NISCH: variants seen among roughly 807,000 people sequenced by gnomAD.
The protein encoded by NISCH is I-1 receptor candidate protein.
NISCH carries 55 observed loss-of-function variants against 138.4 expected under a neutral mutation model. The ratio of observed to expected loss-of-function variants is 0.40; its 90% confidence interval spans 0.32 to 0.50. The LOEUF is 0.50. NISCH is among the 20% of genes least tolerant of loss of function. The pLI is 0.71. For missense variants in NISCH, 1,643 were observed against 2,005.5 expected, an observed-to-expected ratio of 0.82 and a Z score of 3.45; for synonymous variants, 860 against 861.5, an observed-to-expected ratio of 1.00 and a Z score of 0.03.
chr3:52,464,122 C>T (rs867592937), intron 3 of NISCH, among the ~76,000 whole-genome samples: 20 of 151,752 alleles, frequency 1.3e-4, no homozygotes, highest in South Asian at 2.1e-4. Context: ...TTGGGCCGGG[C>T]GCGGGTGGCT....
chr3:52,486,141 G>A (rs896266613), intron 15 of NISCH, among the ~76,000 whole-genome samples: 3 of 152,130 alleles, frequency 2.0e-5, no homozygotes, highest in East Asian at 3.9e-4. Flanking sequence ...ACTGAGTCTC[G>A]CTCTGTCGCC....
chr3:52,489,787 C>T, intron 17 of NISCH, 109 bp downstream of exon 17: 3 of 1,494,238 alleles, frequency 2.0e-6, no homozygotes, highest in South Asian at 1.3e-5. Context: ...ATGTCGGAGT[C>T]CTCAGCTGAG....
rs1379838321 is a variant in NISCH, at chr3:52,488,435, C to T, written c.2943C>T (p.Val981=). ...VLELLVGYRF[V]TAIFVLPHEK... ...AGCTGCTCGTGGGGTACCGCTTTGT[C>T]ACTGCCATCTTCGTGCTGCCCCACG... Residue 981 remains valine (V), a synonymous_variant, in exon 16 of 21, where the codon GTC becomes GTT. Coordinates refer to ENST00000345716, the MANE Select transcript of NISCH (RefSeq NM_007184.4). 21 of 1,613,668 alleles carry T rather than the reference C, an allele frequency of 1.3e-5. No individual in the cohort carries two copies. The highest frequency in any genetic ancestry group is 2.7e-5 in the African/African-American group (2 of 74,950).
Position 52,485,759 on chromosome 3 carries a change from G to C in NISCH, c.1654-19G>C, listed in dbSNP as rs1326525391. On this transcript the variant is annotated intron_variant, in intron 14 of 20. Coordinates refer to ENST00000345716, the MANE Select transcript of NISCH (RefSeq NM_007184.4). ...TGGCTGCAGTAGGTGGGGACTGACTGTGTTTCTTTCTCCATCAGGCAGCTT... is the reference window on the plus strand; with the variant it reads ...TGGCTGCAGTAGGTGGGGACTGACTCTGTTTCTTTCTCCATCAGGCAGCTT... 2 of 1,570,706 alleles carry C rather than the reference G, an allele frequency of 1.3e-6. No homozygotes were observed. Among genetic ancestry groups the C allele is most frequent in the African/African-American group, 1.4e-5 (1 of 73,866 alleles).
chr3:52,490,458 A>G (rs1214513480), intron 18 of NISCH, among the ~76,000 whole-genome samples: 1 of 152,216 alleles, frequency 6.6e-6, no homozygotes, highest in Admixed American at 6.5e-5. Flanking sequence ...CTGCTTGGGA[A>G]CAGCCAGTGA....
chr3:52,457,601 T>C (rs1212744797), intron 1 of NISCH, among the ~76,000 whole-genome samples: 1 of 152,206 alleles, frequency 6.6e-6, no homozygotes, highest in African/African-American at 2.4e-5. Context: ...CTCATGTGCC[T>C]CCCAGCCCTA....
At chr3:52,482,809 G>A (rs969826137) in intron 13 of NISCH, among the ~76,000 whole-genome samples, 3 of 152,214 alleles carry the variant, frequency 2.0e-5, no homozygotes, top group Non-Finnish European at 4.4e-5. Context: ...CTGGGGAGGC[G>A]CTTGGCACTA....
intron 13 of NISCH, 51 bp from the exon 14 acceptor site, chr3:52,484,462 T>TTGGCCG: frequency 2.5e-6 from 2 of 788,666 alleles, no homozygotes; most frequent in Non-Finnish European, 3.7e-6. Flanking sequence ...ACAGCCGCTC[T>TTGGCCG]CCCCGCCCCA....
chr3:52,459,696 A>T (rs550207822), intron 3 of NISCH, among the ~76,000 whole-genome samples: 4 of 151,810 alleles, frequency 2.6e-5, no homozygotes, highest in Non-Finnish European at 5.9e-5. Context: ...AGCCTCCCAA[A>T]GTGCTGGGAT....
At position 52,457,846 on chromosome 3, in the gene NISCH, T is replaced by A; in HGVS notation, c.97T>A (p.Tyr33Asn). Residue 33 changes from tyrosine to asparagine, a missense_variant, in exon 2 of 21, where the codon TAC (tyrosine) becomes AAC (asparagine). Transcript: ENST00000345716. Reference protein sequence around the residue: ...GSELVDTYTVYIIQVTDGSHE... With the variant: ...GSELVDTYTVNIIQVTDGSHE... ...GGCTGTTGGTTTCCCCTTTTAGGTT[T>A]ACATCATCCAGGTCACTGATGGCAG... 1 of 1,610,186 alleles carries A rather than the reference T, an allele frequency of 6.2e-7. No individual in the cohort carries two copies. Among genetic ancestry groups the A allele is most frequent in the Non-Finnish European group, 8.5e-7 (1 of 1,176,820 alleles).
chr3:52,478,037 G>T, intron 9 of NISCH, 60 bp from the exon 10 acceptor site: 2 of 1,570,210 alleles, frequency 1.3e-6, no homozygotes, highest in Non-Finnish European at 1.7e-6. Context: ...ATTAGTGTCA[G>T]GCCCCTATCT....
At chr3:52,484,402 G>A in intron 13 of NISCH, 111 bp from the exon 14 acceptor site, 2 of 1,039,172 alleles carry the variant, frequency 1.9e-6, no homozygotes, top group Non-Finnish European at 2.8e-6. Flanking sequence ...TTGGGATCTG[G>A]CTAACCCCCG....
intron 3 of NISCH, among the ~76,000 whole-genome samples, chr3:52,468,622 C>T (rs960209870): frequency 3.3e-5 from 5 of 152,086 alleles, no homozygotes; most frequent in Non-Finnish European, 5.9e-5. Context: ...CACTTCCAGC[C>T]GGAGCCCTGT....
At chr3:52,484,159 A>T in intron 13 of NISCH, 1 of 215,866 alleles carries the variant, frequency 4.6e-6, no homozygotes, top group South Asian at 9.4e-5. Flanking sequence ...ATCCTTGTCA[A>T]ATATTGCAAA....
chr3:52,478,027 A>G lies in NISCH; in HGVS notation c.988-70A>G, dbSNP rs1470974228. On this transcript the variant is annotated intron_variant, in intron 9 of 20. Coordinates refer to ENST00000345716, the MANE Select transcript of NISCH (RefSeq NM_007184.4). ...TTTGGGTTGGAAGGCCCATCCTGCC[A>G]TTAGTGTCAGGCCCCTATCTTTGGA... The G allele has an allele frequency of 3.3e-6, 5 of 1,531,716 alleles. No individual in the cohort carries two copies. In the East Asian group the frequency reaches 1.1e-4, roughly 35 times the overall value. 94.9% of individuals were successfully genotyped at this position (1,531,716 alleles called of 1,614,324 possible). A position where few individuals can be genotyped will look rare whatever the true frequency, so the allele number is the denominator to read the frequency against.
rs60865450 is a variant in NISCH at position 52,460,186 on chromosome 3, C to CAAA, written c.360+1366_360+1368dup. Among the ~76,000 whole-genome samples the CAAA allele has an allele frequency of 7.7e-4, 43 of 56,156 alleles. 4 individuals carry two copies. Among genetic ancestry groups the CAAA allele is most frequent in the Admixed American group, 2.3e-3 (8 of 3,442 alleles). The allele number at this position is 56,156 out of a possible 152,430, so 36.8% of individuals were successfully genotyped here. A position where few individuals can be genotyped will look rare whatever the true frequency, so the allele number is the denominator to read the frequency against. On this transcript the variant is annotated intron_variant, in intron 3 of 20. Coordinates refer to ENST00000345716, the MANE Select transcript of NISCH (RefSeq NM_007184.4). ...ACAGAGTGAGAGTAAGACTTCATCT[C>CAAA]AAAAAAAAAAAAAAAAAAAAAAAAA...
intron 16 of NISCH, among the ~76,000 whole-genome samples, chr3:52,489,127 G>A (rs1487776233): frequency 1.3e-5 from 2 of 152,110 alleles, no homozygotes; most frequent in African/African-American, 4.8e-5. Context: ...ACAATCCTCC[G>A]CCTCAGCCTC....
rs996954207 is a variant in NISCH at position 52,479,811 on chromosome 3, A to G, written c.1365A>G (p.Ala455=). 1.9e-6 allele frequency: 3 copies of G among 1,613,904 alleles called. No homozygotes were observed. The highest frequency in any genetic ancestry group is 2.5e-6 in the Non-Finnish European group (3 of 1,179,938). Residue 455 remains alanine, a synonymous_variant, in exon 12 of 21, where the codon GCA becomes GCG. Transcript: ENST00000345716. ...KELDTVEVLK[A]IQKAKEVKSK... ...TGGACACTGTGGAAGTGCTGAAAGC[A>G]ATTCAGAAAGCCAAGGAGGTCAAGT... is the stretch of plus-strand genomic sequence containing the variant.
At chr3:52,491,589 C>A in intron 20 of NISCH, 76 bp downstream of exon 20, 1 of 1,464,866 alleles carries the variant, frequency 6.8e-7, no homozygotes. Context: ...TCTCTGTGCC[C>A]CAGAACCCTC....
Sources: gnomAD v4.1 joint callset for allele counts (sites outside exome capture counted in the v4.1 genomes callset) on GRCh38, gnomAD v4.1.1 for gene constraint, MANE v1.5 for transcripts, NCBI Gene and HGNC (gene_info 2026-07-23, HGNC 2026-07-21) for gene names.